The following TBC1D32 variants were observed in gnomAD, a reference collection of about 807,000 sequenced individuals.
TBC1D32 encodes TBC1 domain family member 32.
A neutral mutation model predicts 170.3 loss-of-function variants in TBC1D32; 151 were observed. The ratio of observed to expected loss-of-function variants is 0.89; its 90% CI spans 0.78 to 1.01. The LOEUF (loss-of-function observed/expected upper bound fraction) is 1.01. Among genes scored for constraint, TBC1D32 ranks in the 50% least tolerant of loss-of-function variants. The pLI, the probability that TBC1D32 is intolerant of heterozygous loss-of-function variation, is 0.00. For synonymous variants in TBC1D32, 498 were observed against 488.0 expected, an observed-to-expected ratio of 1.02 and a Z score of -0.27; for missense variants, 1,464 against 1,457.1, an observed-to-expected ratio of 1.00 and a Z score of -0.08.
chr6:121,315,497 T>C (rs1215219743), intron 3 of TBC1D32, among the ~76,000 whole-genome samples: 1 of 152,186 alleles, frequency 6.6e-6, no homozygotes, highest in Non-Finnish European at 1.5e-5. Context: ...TTTTCAATAA[T>C]GGGTCAAAAG....
chr6:121,104,051 A>G (rs771835809), intron 30 of TBC1D32, among the ~76,000 whole-genome samples: 6 of 151,894 alleles, frequency 4.0e-5, no homozygotes, highest in Non-Finnish European at 5.9e-5. Flanking sequence ...TAAATTTCTT[A>G]TTAACTTCAG....
In TBC1D32 at chr6:121,242,309, A is replaced by G. The variant is rs778698640; in HGVS notation, c.2049T>C (p.Asp683=). Reference sequence around the variant, plus strand: ...TGGGGGTGGCAGCAAAATGTAGTAAATCATCTAACAAATTATCTTCCCAAG... The same window carrying G: ...TGGGGGTGGCAGCAAAATGTAGTAAGTCATCTAACAAATTATCTTCCCAAG... ...IMAWEDNLLD[D]LLHFAATPKG... Residue 683 remains aspartate (D), a synonymous_variant, in exon 18 of 32, where the codon GAT becomes GAC. Coordinates refer to ENST00000398212, the MANE Select transcript of TBC1D32 (RefSeq NM_152730.6). The G allele has an allele frequency of 6.2e-7, 1 of 1,612,980 alleles. No individual in the cohort carries two copies. Among genetic ancestry groups the G allele is most frequent in the Non-Finnish European group, 8.5e-7 (1 of 1,179,422 alleles).
intron 26 of TBC1D32, among the ~76,000 whole-genome samples, chr6:121,121,529 C>T (rs1562549808): frequency 1.3e-5 from 2 of 151,966 alleles, no homozygotes; most frequent in Admixed American, 6.6e-5. Context: ...ATTGGATATT[C>T]ATCCGTGGAA....
At chr6:121,263,464 G>T (rs930013988) in intron 15 of TBC1D32, among the ~76,000 whole-genome samples, 1 of 152,032 alleles carries the variant, frequency 6.6e-6, no homozygotes, top group Non-Finnish European at 1.5e-5. Flanking sequence ...ACCTAAAAGC[G>T]GCTTAGACTA....
chr6:121,140,691 T>A (rs1032494188), intron 24 of TBC1D32, among the ~76,000 whole-genome samples: 3 of 152,002 alleles, frequency 2.0e-5, no homozygotes, highest in Non-Finnish European at 2.9e-5. Flanking sequence ...TTTTTAGTTA[T>A]TTTTTTCAAT....
chr6:121,109,398 T>A (rs1171273932), intron 29 of TBC1D32, among the ~76,000 whole-genome samples: 1 of 152,204 alleles, frequency 6.6e-6, no homozygotes, highest in Non-Finnish European at 1.5e-5. Flanking sequence ...TGTATGTGCA[T>A]GTAAAATACT....
intron 22 of TBC1D32, among the ~76,000 whole-genome samples, chr6:121,182,814 C>T (rs1264396182): frequency 6.6e-6 from 1 of 151,458 alleles, no homozygotes; most frequent in East Asian, 1.9e-4. Context: ...GAAAAAAAAT[C>T]AGGTATGTAT....
chr6:121,327,883 G>C (rs981364976), intron 1 of TBC1D32, among the ~76,000 whole-genome samples: 1 of 151,904 alleles, frequency 6.6e-6, no homozygotes, highest in Non-Finnish European at 1.5e-5. Context: ...TTTCAATAGC[G>C]TCTCTCCCGA....
intron 15 of TBC1D32, among the ~76,000 whole-genome samples, chr6:121,268,089 CAA>C (rs765304472): frequency 2.0e-5 from 3 of 151,990 alleles, no homozygotes; most frequent in Non-Finnish European, 4.4e-5. Context: ...ATATCCACAC[CAA>C]AACCCCATCT....
chr6:121,228,143 T>C (rs1795292037), intron 20 of TBC1D32, among the ~76,000 whole-genome samples: 1 of 152,134 alleles, frequency 6.6e-6, no homozygotes, highest in South Asian at 2.1e-4. Flanking sequence ...ATTCTTGATA[T>C]TGGTAATTTT....
chr6:121,161,412 C>G (rs1785639465), intron 22 of TBC1D32, among the ~76,000 whole-genome samples: 1 of 152,106 alleles, frequency 6.6e-6, no homozygotes, highest in African/African-American at 2.4e-5. Flanking sequence ...TCCATATGTT[C>G]TCATCATTCA....
At chr6:121,085,218 T>TAC (rs1396038348) in intron 31 of TBC1D32, among the ~76,000 whole-genome samples, 1 of 140,740 alleles carries the variant, frequency 7.1e-6, no homozygotes, top group African/African-American at 2.5e-5. Context: ...CACATATATA[T>TAC]ACACATATAT....
chr6:121,330,335 C>A (rs4506065), intron 1 of TBC1D32, among the ~76,000 whole-genome samples: 150,519 of 152,320 alleles, frequency 0.99, 74,405 homozygotes, highest in East Asian at 1. Flanking sequence ...AGCCCAGCCC[C>A]GAGGGAATAT....
chr6:121,315,540 A>C (rs935193618), intron 3 of TBC1D32, among the ~76,000 whole-genome samples: 1 of 152,166 alleles, frequency 6.6e-6, no homozygotes, highest in African/African-American at 2.4e-5. Flanking sequence ...TTTTTTAAGT[A>C]ATAACAATGA....
intron 22 of TBC1D32, among the ~76,000 whole-genome samples, chr6:121,192,021 T>C (rs1223853173): frequency 1.4e-5 from 2 of 147,078 alleles, no homozygotes; most frequent in African/African-American, 4.9e-5. Context: ...GACAGCCTAT[T>C]GTGGGACTTG....
At chr6:121,257,478 G>A (rs967763568) in intron 15 of TBC1D32, among the ~76,000 whole-genome samples, 9 of 151,534 alleles carry the variant, frequency 5.9e-5, no homozygotes, top group Admixed American at 3.9e-4. Flanking sequence ...ACCAAATTAC[G>A]ATTTTTCTGA....
intron 21 of TBC1D32, among the ~76,000 whole-genome samples, chr6:121,222,949 C>T (rs1253118374): frequency 6.6e-6 from 1 of 152,102 alleles, no homozygotes. Flanking sequence ...TGTAATGAGT[C>T]ATCTAAAAAT....
At chr6:121,272,712 G>A (rs995277086) in intron 15 of TBC1D32, among the ~76,000 whole-genome samples, 1 of 152,136 alleles carries the variant, frequency 6.6e-6, no homozygotes, top group African/African-American at 2.4e-5. Context: ...AATTCATCAA[G>A]GATCTAGAAC....
chr6:121,102,850 G>T (rs1778274280), intron 30 of TBC1D32, among the ~76,000 whole-genome samples: 1 of 151,938 alleles, frequency 6.6e-6, no homozygotes. Context: ...TCTGACAAAG[G>T]GCTAATATCC....
Sources: gnomAD v4.1 joint callset for allele counts (sites outside exome capture counted in the v4.1 genomes callset) on GRCh38, gnomAD v4.1.1 for gene constraint, MANE v1.5 for transcripts, NCBI Gene and HGNC (gene_info 2026-07-23, HGNC 2026-07-21) for gene names.